Variants in RBM20 observed in about 807,000 individuals in gnomAD.
RBM20 encodes the protein RNA binding motif protein 20.
In RBM20, 51 loss-of-function variants were observed where a neutral mutation model predicts 110.1. The ratio of observed to expected loss-of-function variants is 0.46; its 90% CI spans 0.37 to 0.59. The LOEUF (loss-of-function observed/expected upper bound fraction) is 0.59. RBM20 is among the 20% of genes least tolerant of loss of function. The probability of loss-of-function intolerance (pLI) is 0.00; values close to 1 mark genes in which losing one functional copy is unlikely to be tolerated. For synonymous variants in RBM20, 589 were observed against 618.2 expected, an observed-to-expected ratio of 0.95 and a Z score of 0.70; for missense variants, 1,512 against 1,574.9, an observed-to-expected ratio of 0.96 and a Z score of 0.68.
At chr10:110,796,640 C>T (rs1286354587) in intron 5 of RBM20, among the ~76,000 whole-genome samples, 1 of 152,140 alleles carries the variant, frequency 6.6e-6, no homozygotes, top group Non-Finnish European at 1.5e-5. Context: ...ATAGTCCCAG[C>T]TATTCGGGAG....
intron 9 of RBM20, among the ~76,000 whole-genome samples, chr10:110,817,723 C>T (rs1844857549): frequency 6.6e-6 from 1 of 152,212 alleles, no homozygotes; most frequent in South Asian, 2.1e-4. Context: ...CAGGGTTAGG[C>T]TGTGCCTATT....
chr10:110,729,817 C>T (rs1023096924), intron 1 of RBM20, among the ~76,000 whole-genome samples: 2 of 152,136 alleles, frequency 1.3e-5, no homozygotes, highest in African/African-American at 4.8e-5. Context: ...ATTTCTTCCC[C>T]CTTTTATTTA....
intron 9 of RBM20, among the ~76,000 whole-genome samples, chr10:110,816,087 G>C (rs1216939569): frequency 6.6e-6 from 1 of 152,168 alleles, no homozygotes; most frequent in Non-Finnish European, 1.5e-5. Context: ...AGCAGGGCTT[G>C]CTGTTCTTCC....
At chr10:110,776,253 C>T (rs1163498113) in intron 1 of RBM20, among the ~76,000 whole-genome samples, 1 of 152,234 alleles carries the variant, frequency 6.6e-6, no homozygotes, top group Non-Finnish European at 1.5e-5. Context: ...TCAGCCCCTA[C>T]ACCTACCACC....
intron 5 of RBM20, among the ~76,000 whole-genome samples, chr10:110,796,979 GA>G (rs1197824809): frequency 7.9e-5 from 12 of 152,152 alleles, no homozygotes; most frequent in Non-Finnish European, 1.6e-4. Context: ...ACATTTCTAA[GA>G]GTGGAATGGC....
At chr10:110,826,886 C>G (rs756852389) in intron 12 of RBM20, among the ~76,000 whole-genome samples, 17 of 152,138 alleles carry the variant, frequency 1.1e-4, no homozygotes, top group Non-Finnish European at 2.2e-4. Flanking sequence ...AGCCACCGTG[C>G]CCGGCCAGTC....
At chr10:110,808,775 A>G (rs1844726108) in intron 7 of RBM20, among the ~76,000 whole-genome samples, 1 of 151,922 alleles carries the variant, frequency 6.6e-6, no homozygotes, top group African/African-American at 2.4e-5. Context: ...TCCCAGCCCA[A>G]CCCTCTATCT....
chr10:110,690,764 A>G (rs1291761313), intron 1 of RBM20, among the ~76,000 whole-genome samples: 2 of 152,244 alleles, frequency 1.3e-5, no homozygotes. Context: ...TGTAAGTACA[A>G]TATACGTATA....
rs530853086 is a variant in RBM20 at position 110,787,413 on chromosome 10, C to T, written c.1527+2524C>T. Among the ~76,000 whole-genome samples, 11 of 152,288 alleles carry T rather than the reference C, an allele frequency of 7.2e-5. No individual in the cohort carries two copies. The South Asian group carries it at 8.3e-4, about 11-fold the overall frequency. Reference sequence around the variant, plus strand: ...AGTAACCATGGCTGTTCTTGAGTAACGAGCGCTTTTAACCCATTTTGGCTG... The same window carrying T: ...AGTAACCATGGCTGTTCTTGAGTAATGAGCGCTTTTAACCCATTTTGGCTG... On this transcript the variant is annotated intron_variant, in intron 5 of 13. Coordinates refer to ENST00000369519, the MANE Select transcript of RBM20 (RefSeq NM_001134363.3).
At chr10:110,722,804 G>C (rs918599458) in intron 1 of RBM20, among the ~76,000 whole-genome samples, 3 of 152,044 alleles carry the variant, frequency 2.0e-5, no homozygotes, top group Non-Finnish European at 2.9e-5. Context: ...GACATATACT[G>C]GGGACTTCAT....
chr10:110,656,583 A>T (rs907747763), intron 1 of RBM20, among the ~76,000 whole-genome samples: 3 of 152,176 alleles, frequency 2.0e-5, no homozygotes, highest in Non-Finnish European at 4.4e-5. Flanking sequence ...AAATGGTTGC[A>T]TTGCCTCAAA....
intron 7 of RBM20, among the ~76,000 whole-genome samples, chr10:110,802,199 C>T (rs1430282001): frequency 1.3e-5 from 2 of 152,166 alleles, no homozygotes; most frequent in African/African-American, 2.4e-5. Context: ...CTTAATCCAC[C>T]TTCAAGGTTG....
In RBM20 at chr10:110,781,416, C is replaced by G; in HGVS notation, c.807C>G (p.His269Gln). ...TGACCTATGAAGGGCACTACAGCCA[C>G]ACAGGGCAGGATGGTCAAGCTGCCT... Reference protein sequence around the residue: ...GSVTYEGHYSHTGQDGQAAFS... With the variant: ...GSVTYEGHYSQTGQDGQAAFS... Residue 269 changes from histidine (H) to glutamine (Q), a missense_variant, in exon 2 of 14, where the codon CAC becomes CAG. Coordinates refer to ENST00000369519, the MANE Select transcript of RBM20 (RefSeq NM_001134363.3). The G allele has an allele frequency of 6.4e-7, 1 of 1,551,706 alleles. No individual in the cohort carries two copies. The highest frequency in any genetic ancestry group is 8.7e-7 in the Non-Finnish European group (1 of 1,147,000).
intron 1 of RBM20, among the ~76,000 whole-genome samples, chr10:110,725,055 C>G (rs2134939202): frequency 6.6e-6 from 1 of 152,178 alleles, no homozygotes; most frequent in East Asian, 1.9e-4. Flanking sequence ...GCAAGTGACA[C>G]CACTCCATGA....
chr10:110,819,022 C>A (rs1844876425), intron 9 of RBM20, among the ~76,000 whole-genome samples: 1 of 152,218 alleles, frequency 6.6e-6, no homozygotes, highest in African/African-American at 2.4e-5. Flanking sequence ...CCCTGAGCTT[C>A]TGCTCCAGCT....
At chr10:110,718,867 C>T (rs1043299767) in intron 1 of RBM20, among the ~76,000 whole-genome samples, 22 of 151,888 alleles carry the variant, frequency 1.4e-4, no homozygotes, top group Non-Finnish European at 2.1e-4. Flanking sequence ...CCACCCATCT[C>T]GGCCTCCCAA....
intron 9 of RBM20, among the ~76,000 whole-genome samples, chr10:110,817,712 T>G (rs1163748662): frequency 1.3e-5 from 2 of 152,206 alleles, no homozygotes; most frequent in East Asian, 3.8e-4. Flanking sequence ...CTGAGCCTTC[T>G]CAGGGTTAGG....
In RBM20 at chr10:110,781,637, A is replaced by G; in HGVS notation, c.1028A>G (p.His343Arg). The change falls in exon 2 of 14, where the codon CAC becomes CGC. Residue 343 changes from histidine (H) to arginine (R), a missense_variant. Coordinates refer to ENST00000369519, the MANE Select transcript of RBM20 (RefSeq NM_001134363.3). ...LTAGPMWPPP[H>R]NQPYELYDPE... The stretch of plus-strand genomic sequence containing the variant: ...GCAGGTCCCATGTGGCCTCCACCCC[A>G]CAACCAGCCCTATGAGCTGTACGAC... 6.5e-7 allele frequency: 1 copy of G among 1,549,502 alleles called. No homozygotes were observed. The highest frequency in any genetic ancestry group is 8.7e-7 in the Non-Finnish European group (1 of 1,145,408).
chr10:110,780,375 A>C (rs966484493), intron 1 of RBM20, among the ~76,000 whole-genome samples: 6 of 152,158 alleles, frequency 3.9e-5, no homozygotes, highest in Admixed American at 1.3e-4. Context: ...GTTTTGATTT[A>C]TATAATTGAA....
Sources: allele counts gnomAD v4.1 joint callset (sites outside exome capture counted in the v4.1 genomes callset), GRCh38; gene constraint gnomAD v4.1.1; transcripts MANE v1.5; gene names NCBI Gene and HGNC (gene_info 2026-07-23, HGNC 2026-07-21).